AIM2: variants seen among roughly 807,000 people sequenced by gnomAD.
AIM2 encodes the protein interferon-inducible protein AIM2.
In AIM2, 30 loss-of-function variants were observed where a neutral mutation model predicts 27.7. That is an observed-to-expected ratio of 1.08 (90% confidence interval 0.81 to 1.47). AIM2 has a LOEUF of 1.47. Among genes scored for constraint, AIM2 ranks in the 40% most tolerant of loss-of-function variants. The pLI is 0.00. For missense variants in AIM2, 358 were observed against 411.3 expected (o/e 0.87, Z 1.12); for synonymous variants, 141 against 145.3 (o/e 0.97, Z 0.21).
intron 1 of AIM2, among the ~76,000 whole-genome samples, chr1:159,133,411 G>A (rs1647945539): frequency 2.0e-5 from 3 of 152,098 alleles, no homozygotes; most frequent in Admixed American, 6.5e-5. Flanking sequence ...TTTAAAGTAA[G>A]GGAAAAAAAG....
chr1:159,070,192 AG>A (rs11352095), intron 2 of AIM2, among the ~76,000 whole-genome samples: 129,055 of 151,978 alleles, frequency 0.85, 56,947 homozygotes, highest in East Asian at 1. Context: ...TACCTGTCTC[AG>A]TTAATTTGCC....
chr1:159,128,043 C>CT (rs1647768557), intron 1 of AIM2, among the ~76,000 whole-genome samples: 1 of 152,098 alleles, frequency 6.6e-6, no homozygotes, highest in Admixed American at 6.6e-5. Context: ...GTTTCTGTTT[C>CT]TTTTCTTTTT....
At chr1:159,111,814 ACTATCTATCTATCTATCATCT>A (rs1657580644) in intron 1 of AIM2, among the ~76,000 whole-genome samples, 5 of 146,776 alleles carry the variant, frequency 3.4e-5, no homozygotes, top group Admixed American at 1.4e-4. Context: ...AAAAAAAAAA[ACTATCTATCTATCTATCATCT>A]ATCTATCTAT....
At chr1:159,146,372 C>A (rs1177133850) in intron 1 of AIM2, among the ~76,000 whole-genome samples, 1 of 152,096 alleles carries the variant, frequency 6.6e-6, no homozygotes, top group Non-Finnish European at 1.5e-5. Flanking sequence ...CTGTTTCTAA[C>A]CCCAAGCCAT....
At chr1:159,061,806 T>C (rs978429995), downstream of AIM2, among the ~76,000 whole-genome samples, 2 of 152,124 alleles carry the variant, frequency 1.3e-5, no homozygotes, top group East Asian at 3.8e-4. Flanking sequence ...AGAACAGAAG[T>C]TCTTCATTTT....
chr1:159,079,595 T>C (rs368634716), upstream of AIM2, among the ~76,000 whole-genome samples: 9 of 152,266 alleles, frequency 5.9e-5, no homozygotes, highest in Non-Finnish European at 1.2e-4. Flanking sequence ...CACAGTAAAA[T>C]TGAGCTGAAG....
chr1:159,100,557 G>C (rs1011805681), intron 1 of AIM2, among the ~76,000 whole-genome samples: 2 of 152,228 alleles, frequency 1.3e-5, no homozygotes, highest in African/African-American at 4.8e-5. Context: ...GGAATAAGTA[G>C]AGAAGTGGCT....
At chr1:159,120,829 A>C (rs1288543148) in intron 1 of AIM2, among the ~76,000 whole-genome samples, 1 of 152,200 alleles carries the variant, frequency 6.6e-6, no homozygotes, top group Non-Finnish European at 1.5e-5. Context: ...ACTGTGTTCC[A>C]GTCAAACAGA....
chr1:159,146,193 T>C (rs1648199024), intron 1 of AIM2, among the ~76,000 whole-genome samples: 1 of 151,958 alleles, frequency 6.6e-6, no homozygotes, highest in Non-Finnish European at 1.5e-5. Context: ...AAACTAGTAG[T>C]GTTCAACAAA....
intron 1 of AIM2, among the ~76,000 whole-genome samples, chr1:159,129,258 C>T (rs1156269787): frequency 1.3e-5 from 2 of 152,180 alleles, no homozygotes; most frequent in African/African-American, 4.8e-5. Flanking sequence ...CTGCTTACAT[C>T]TTGACCTTGA....
intron 1 of AIM2, among the ~76,000 whole-genome samples, chr1:159,114,512 T>C (rs1243763963): frequency 2.0e-5 from 3 of 151,958 alleles, no homozygotes; most frequent in Non-Finnish European, 2.9e-5. Context: ...AGGCCAGGAG[T>C]TTGAGACCAG....
intron 2 of AIM2, among the ~76,000 whole-genome samples, chr1:159,070,673 G>A (rs1444427303): frequency 6.6e-6 from 1 of 152,200 alleles, no homozygotes; most frequent in Non-Finnish European, 1.5e-5. Flanking sequence ...AGAATGAACT[G>A]TCTTATGAGG....
In AIM2 at chr1:159,085,068, T is replaced by C. The variant is rs181658582; in HGVS notation, c.-15-18739A>G. 7.9e-4 allele frequency among the ~76,000 whole-genome samples: 120 copies of C among 152,292 alleles called. 2 individuals carry two copies. The highest frequency in any genetic ancestry group is 7.8e-3 in the Admixed American group (119 of 15,286). ...ATCTACAGAACAAATGCCACTTCCG[T>C]ATGTACTTCGCAATTGCTGCTATTG... On this transcript the variant is annotated intron_variant, in intron 1 of 2. Coordinates refer to the AIM2 transcript ENST00000368129.
intron 1 of AIM2, among the ~76,000 whole-genome samples, chr1:159,084,812 C>T (rs1226893491): frequency 7.0e-6 from 1 of 143,546 alleles, no homozygotes; most frequent in African/African-American, 2.8e-5. Flanking sequence ...CACACACACA[C>T]ACATACAGAC....
downstream of AIM2, among the ~76,000 whole-genome samples, chr1:159,060,035 A>C (rs558494032): frequency 1.3e-5 from 2 of 152,306 alleles, no homozygotes; most frequent in South Asian, 4.1e-4. Flanking sequence ...TTTACAGACC[A>C]GTTTGTATCA....
At chr1:159,093,645 G>A (rs1357068358) in intron 1 of AIM2, among the ~76,000 whole-genome samples, 1 of 151,690 alleles carries the variant, frequency 6.6e-6, no homozygotes, top group East Asian at 1.9e-4. Context: ...ACATAATGAA[G>A]ATCAGCAAGT....
In AIM2 at chr1:159,062,679, C is replaced by T. The variant is rs749304492; in HGVS notation, c.*13G>A. On this transcript the variant is annotated 3_prime_UTR_variant, in exon 6 of 6. Coordinates refer to ENST00000368130, the MANE Select transcript of AIM2 (RefSeq NM_004833.3). ...CTTAGACCAGTTGGCTTGAATTGGTCCTTTTTACTTCTCTATGTTTTTTTT... is the reference window on the plus strand; with the variant it reads ...CTTAGACCAGTTGGCTTGAATTGGTTCTTTTTACTTCTCTATGTTTTTTTT... 1.2e-6 allele frequency: 2 copies of T among 1,613,124 alleles called. No individual in the cohort carries two copies. The highest frequency in any genetic ancestry group is 4.5e-5 in the East Asian group (2 of 44,872).
intron 1 of AIM2, among the ~76,000 whole-genome samples, chr1:159,092,889 G>A (rs977274509): frequency 4.6e-5 from 7 of 152,008 alleles, no homozygotes; most frequent in Non-Finnish European, 1.0e-4. Context: ...AGCTGAGTAT[G>A]GTGGTGGGCA....
the AIM2 span, chr1:159,055,068 G>GT: frequency 1.1e-3 from 445 of 395,168 alleles, no homozygotes; most frequent in South Asian, 1.4e-3. Flanking sequence ...ATTTTTCATA[G>GT]TTTTTTTTTA....
Sources: gnomAD v4.1 joint callset for allele counts (sites outside exome capture counted in the v4.1 genomes callset) on GRCh38, gnomAD v4.1.1 for gene constraint, MANE v1.5 for transcripts, NCBI Gene and HGNC (gene_info 2026-07-23, HGNC 2026-07-21) for gene names.